The following ZNF280D variants were observed in gnomAD, a reference collection of about 807,000 sequenced individuals.
ZNF280D encodes the protein suppressor of hairy wing homolog 4.
Under a neutral mutation model 94.7 loss-of-function variants are expected in ZNF280D, and 39 were observed. That is an observed-to-expected ratio of 0.41 (90% CI 0.32 to 0.54). The LOEUF (loss-of-function observed/expected upper bound fraction) is 0.54, where lower values mean the gene tolerates loss of function less well. ZNF280D is among the 20% of genes least tolerant of loss of function. The probability of loss-of-function intolerance (pLI) is 0.22; values close to 1 mark genes in which losing one functional copy is unlikely to be tolerated. For synonymous variants in ZNF280D, 398 were observed against 377.6 expected, an observed-to-expected ratio of 1.05 and a Z score of -0.63; for missense variants, 1,090 against 1,149.3, an observed-to-expected ratio of 0.95 and a Z score of 0.75.
intron 13 of ZNF280D, among the ~76,000 whole-genome samples, chr15:56,669,890 A>T (rs867191318): frequency 6.0e-4 from 4 of 6,614 alleles, no homozygotes; most frequent in African/African-American, 2.5e-3. Context: ...TATATATATT[A>T]TATATATATA....
rs1196260924 is a variant in ZNF280D, at chr15:56,653,441, G to T, written c.2213+757C>A. The T allele has an allele frequency of 2.1e-6, 3 of 1,453,158 alleles. 1 individual carries two copies. The South Asian group carries it at 4.2e-5, about 20-fold the overall frequency. 90.0% of individuals were successfully genotyped at this position (1,453,158 alleles called of 1,614,324 possible). A position where few individuals can be genotyped will look rare whatever the true frequency, so the allele number is the denominator to read the frequency against. On this transcript the variant is annotated intron_variant, in intron 19 of 21. Transcript: ENST00000267807. ...CCATGTAGAAAGGGAGTCTCCCCAA[G>T]ATCTGATTTCTTGAGGCCACAACCT... is the stretch of plus-strand genomic sequence containing the variant.
intron 19 of ZNF280D, among the ~76,000 whole-genome samples, chr15:56,648,782 G>T (rs1387903572): frequency 6.6e-6 from 1 of 152,152 alleles, no homozygotes; most frequent in Non-Finnish European, 1.5e-5. Context: ...ATTGTCATGG[G>T]TATGGGTAGA....
At chr15:56,654,342 A>T in intron 18 of ZNF280D, 43 bp downstream of exon 18, 1 of 1,595,466 alleles carries the variant, frequency 6.3e-7, no homozygotes, top group Non-Finnish European at 8.5e-7. Flanking sequence ...AAATACTGGA[A>T]TAAAAGTCAA....
intron 13 of ZNF280D, 71 bp from the exon 14 acceptor site, chr15:56,669,028 C>T: frequency 7.0e-7 from 1 of 1,433,972 alleles, no homozygotes; most frequent in Admixed American, 2.2e-5. Context: ...CCTGAAACTG[C>T]TGACTTAATT....
At chr15:56,679,926 C>T (rs892107953) in intron 10 of ZNF280D, among the ~76,000 whole-genome samples, 1 of 152,134 alleles carries the variant, frequency 6.6e-6, no homozygotes, top group Non-Finnish European at 1.5e-5. Context: ...TAAATATTTA[C>T]GTTTAGAGTA....
At chr15:56,716,813 A>G (rs113322503) in intron 1 of ZNF280D, among the ~76,000 whole-genome samples, 248 of 152,280 alleles carry the variant, frequency 1.6e-3, no homozygotes, top group Admixed American at 1.2e-3. Context: ...ACAAAAACCC[A>G]ACTCAAACTG....
At position 56,693,183 on chromosome 15, in the gene ZNF280D, A is replaced by AG; in HGVS notation, c.413dup (p.Asn139Ter). The AG allele has an allele frequency of 6.3e-7, 1 of 1,597,962 alleles. No individual in the cohort carries two copies. Among genetic ancestry groups the AG allele is most frequent in the Non-Finnish European group, 8.5e-7 (1 of 1,173,066 alleles). ...CAAACAGTAACTCTGATGACTTATT[A>AG]GACACAACTCGTGATGAGTTTGTTA... On this transcript the variant is annotated frameshift_variant, in exon 7 of 22. Transcript: ENST00000267807. LOFTEE classifies it high-confidence loss of function.
chr15:56,733,180 G>A (rs550847878), intron 1 of ZNF280D, among the ~76,000 whole-genome samples: 2 of 152,216 alleles, frequency 1.3e-5, no homozygotes, highest in Non-Finnish European at 2.9e-5. Context: ...GGTGGCGGAG[G>A]AGCAGAAGGC....
chr15:56,706,519 T>C (rs1172171503), intron 3 of ZNF280D, among the ~76,000 whole-genome samples: 1 of 151,724 alleles, frequency 6.6e-6, no homozygotes, highest in Non-Finnish European at 1.5e-5. Flanking sequence ...AAGATGGCCA[T>C]CTACAAGTCA....
At chr15:56,691,965 A>G (rs1323365942) in intron 7 of ZNF280D, among the ~76,000 whole-genome samples, 2 of 152,160 alleles carry the variant, frequency 1.3e-5, no homozygotes, top group African/African-American at 4.8e-5. Context: ...GACTACAAAA[A>G]TCTTAAGAAT....
intron 21 of ZNF280D, 105 bp from the exon 22 acceptor site, chr15:56,632,227 GC>G (rs1241189975): frequency 1.8e-6 from 2 of 1,131,582 alleles, no homozygotes; most frequent in African/African-American, 1.6e-5. Context: ...AGGTACATTT[GC>G]CCACCAAAAA....
At chr15:56,670,315 T>C (rs1224433659) in intron 13 of ZNF280D, among the ~76,000 whole-genome samples, 1 of 151,216 alleles carries the variant, frequency 6.6e-6, no homozygotes, top group East Asian at 2.0e-4. Context: ...AGGCATTCAT[T>C]AGTTATTTTT....
intron 10 of ZNF280D, among the ~76,000 whole-genome samples, chr15:56,681,010 C>G (rs1189543278): frequency 6.6e-6 from 1 of 152,116 alleles, no homozygotes; most frequent in African/African-American, 2.4e-5. Flanking sequence ...TACACTTTCC[C>G]TTTTGTTAAA....
intron 11 of ZNF280D, 23 bp from the exon 12 acceptor site, chr15:56,677,697 A>T (rs1178775318): frequency 2.7e-6 from 3 of 1,111,270 alleles, no homozygotes; most frequent in Non-Finnish European, 2.5e-6. Flanking sequence ...GAGAAACAGT[A>T]TAATAATATT....
intron 1 of ZNF280D, among the ~76,000 whole-genome samples, chr15:56,707,593 G>A (rs1432122069): frequency 6.6e-6 from 1 of 152,016 alleles, no homozygotes; most frequent in African/African-American, 2.4e-5. Flanking sequence ...TACTGGTTTT[G>A]GAAATCTAAC....
intron 19 of ZNF280D, 149 bp from the exon 20 acceptor site, chr15:56,643,146 A>C (rs543161414): frequency 2.2e-6 from 1 of 460,490 alleles, no homozygotes; most frequent in African/African-American, 2.0e-5. Context: ...GACCTCTGTA[A>C]ATGTTTTAAG....
At position 56,689,072 on chromosome 15, in the gene ZNF280D, T is replaced by C. The variant is rs572441784; in HGVS notation, c.749A>G (p.Asn250Ser). 1.1e-5 allele frequency: 18 copies of C among 1,608,530 alleles called. No homozygotes were observed. The African/African-American group carries it at 1.3e-4, about 12-fold the overall frequency. ...GTGATTTTTCAAAGGATCCAAAAGA[T>C]TGAAATGAATGTTGCACTTTGGACA... ...RACPKCNIHFNLLDPLKNHMK... is the reference protein window; with the variant it reads ...RACPKCNIHFSLLDPLKNHMK... The change falls in exon 9 of 22, where the codon AAT becomes AGT. Residue 250 changes from asparagine to serine, a missense_variant. Around this residue, in one of 3 missense-constraint regions of ZNF280D, gnomAD observed 386 missense variants for 372.0 expected, o/e 1.04. Transcript: ENST00000267807.
Position 56,654,389 on chromosome 15 carries a change from C to G in ZNF280D, c.2172G>C (p.Gln724His). ...HKTHTCQVVM[Q>H]KVSVCIPTSE... ...AGCACAGTTACATATACGTACCTTT[C>G]TGCATTACAACTTGGCAAGTATGAG... is the stretch of plus-strand genomic sequence containing the variant. The change falls in exon 18 of 22, where the codon CAG (glutamine) becomes CAC (histidine). Residue 724 changes from glutamine (Q) to histidine (H), a missense_variant. Physicochemically the swap from Gln to His is conservative, Grantham distance 24. This residue lies in a region of ZNF280D where 577 missense variants were observed against 568.8 expected (regional missense o/e 1.01). Transcript: ENST00000267807. 6.2e-7 allele frequency: 1 copy of G among 1,604,362 alleles called. No homozygotes were observed. Among genetic ancestry groups the G allele is most frequent in the Non-Finnish European group, 8.5e-7 (1 of 1,177,488 alleles).
At chr15:56,672,232 G>A (rs1305416293) in intron 13 of ZNF280D, among the ~76,000 whole-genome samples, 6 of 152,148 alleles carry the variant, frequency 3.9e-5, no homozygotes, top group Non-Finnish European at 7.3e-5. Flanking sequence ...TAGGAGTGGT[G>A]AGAGAGGGCA....
Sources: allele counts gnomAD v4.1 joint callset (sites outside exome capture counted in the v4.1 genomes callset), GRCh38; gene constraint gnomAD v4.1.1; regional missense constraint gnomAD v4.1.1; transcripts MANE v1.5; gene names NCBI Gene and HGNC (gene_info 2026-07-23, HGNC 2026-07-21).